Variants in PGM5 observed in about 807,000 individuals in gnomAD.
The protein encoded by PGM5 is phosphoglucomutase-like protein 5.
A neutral mutation model predicts 59.2 loss-of-function variants in PGM5; 23 were observed. That is an observed-to-expected ratio of 0.39 (90% CI 0.28 to 0.55). The LOEUF (loss-of-function observed/expected upper bound fraction) is 0.55. Ranked by LOEUF, PGM5 falls within the 20% of genes least tolerant of loss-of-function variation. The probability of loss-of-function intolerance (pLI) is 0.66; values close to 1 mark genes in which losing one functional copy is unlikely to be tolerated. For synonymous variants in PGM5, 214 were observed against 286.0 expected, an observed-to-expected ratio of 0.75 and a Z score of 2.54; for missense variants, 574 against 748.3, an observed-to-expected ratio of 0.77 and a Z score of 2.72.
At chr9:68,409,868 A>G (rs1186367747) in intron 6 of PGM5, among the ~76,000 whole-genome samples, 1 of 104,698 alleles carries the variant, frequency 9.6e-6, no homozygotes, top group Non-Finnish European at 2.3e-5. Context: ...TAAAACTTAA[A>G]GTATAAAAAA....
chr9:68,413,346 T>C (rs1554681753), intron 6 of PGM5, among the ~76,000 whole-genome samples: 2 of 151,848 alleles, frequency 1.3e-5, no homozygotes, highest in Admixed American at 6.6e-5. Context: ...TGATGGTGAC[T>C]CTCAATGGAG....
At chr9:68,442,993 T>C (rs1370586668) in intron 6 of PGM5, among the ~76,000 whole-genome samples, 1 of 152,208 alleles carries the variant, frequency 6.6e-6, no homozygotes, top group African/African-American at 2.4e-5. Context: ...AGTTTGTCAA[T>C]TGCTTATAAA....
intron 7 of PGM5, among the ~76,000 whole-genome samples, chr9:68,475,325 G>T (rs562406754): frequency 6.6e-6 from 1 of 151,410 alleles, no homozygotes; most frequent in South Asian, 2.1e-4. Flanking sequence ...GTGAGCCACC[G>T]TGCCTGGCTA....
intron 6 of PGM5, among the ~76,000 whole-genome samples, chr9:68,448,648 C>G (rs781871123): frequency 3.3e-5 from 5 of 152,108 alleles, no homozygotes; most frequent in African/African-American, 1.2e-4. Context: ...TTTGATAATC[C>G]TTCTTACGCC....
At chr9:68,502,440 C>T (rs1396523131) in intron 10 of PGM5, among the ~76,000 whole-genome samples, 1 of 152,120 alleles carries the variant, frequency 6.6e-6, no homozygotes. Flanking sequence ...ACCTTCTTCC[C>T]TTGTCCCTTT....
At chr9:68,383,536 A>G (rs1554678545) in intron 2 of PGM5, among the ~76,000 whole-genome samples, 1 of 151,942 alleles carries the variant, frequency 6.6e-6, no homozygotes, top group African/African-American at 2.4e-5. Context: ...TGCAGTTCTA[A>G]GGATTGAGAT....
chr9:68,446,690 TG>T (rs1823616997), intron 6 of PGM5, among the ~76,000 whole-genome samples: 1 of 152,218 alleles, frequency 6.6e-6, no homozygotes, highest in African/African-American at 2.4e-5. Flanking sequence ...AATACTGGGG[TG>T]GAGAAGCTCT....
Position 68,375,925 on chromosome 9 carries a change from C to A in PGM5, c.262-2274C>A, listed in dbSNP as rs151291301. Among the ~76,000 whole-genome samples, 397 of 152,302 alleles carry A rather than the reference C, an allele frequency of 2.6e-3. 9 individuals are homozygous for A. The East Asian group carries it at 0.059, about 22-fold the overall frequency. ...GCAGAGGAAAAAGAAAATGCAAGGGCCCTGAGGCCGGATCATGTTTGGTAT... is the reference window on the plus strand; with the variant it reads ...GCAGAGGAAAAAGAAAATGCAAGGGACCTGAGGCCGGATCATGTTTGGTAT... On this transcript the variant is annotated intron_variant, in intron 1 of 10. Coordinates refer to ENST00000396396, the MANE Select transcript of PGM5 (RefSeq NM_021965.4).
At chr9:68,475,127 C>A (rs139383915) in intron 7 of PGM5, among the ~76,000 whole-genome samples, 208 of 151,446 alleles carry the variant, frequency 1.4e-3, no homozygotes, top group Non-Finnish European at 6.9e-4. Context: ...GATTCTCTTG[C>A]CTCAGCTTCC....
At chr9:68,432,562 T>C (rs1044045419) in intron 6 of PGM5, among the ~76,000 whole-genome samples, 1 of 152,178 alleles carries the variant, frequency 6.6e-6, no homozygotes, top group Non-Finnish European at 1.5e-5. Flanking sequence ...ATTTGCTTTT[T>C]TCAATTTACA....
intron 8 of PGM5, 93 bp from the exon 9 acceptor site, chr9:68,483,772 C>T: frequency 8.5e-7 from 1 of 1,181,550 alleles, no homozygotes. Flanking sequence ...CTGTCCTTCC[C>T]TGGAAACAGA....
At chr9:68,506,189 C>CTACTGGA (rs1554689012) in intron 10 of PGM5, among the ~76,000 whole-genome samples, 8 of 152,238 alleles carry the variant, frequency 5.3e-5, no homozygotes, top group Non-Finnish European at 8.8e-5. Flanking sequence ...TGTAAACAGA[C>CTACTGGA]TGTAACCTAC....
rs141195509 is a variant in PGM5, at chr9:68,433,119, T to G, written c.1044-31974T>G. Among the ~76,000 whole-genome samples, 153 of 152,322 alleles carry G rather than the reference T, an allele frequency of 1.0e-3. 1 individual carries two copies. Among genetic ancestry groups the G allele is most frequent in the Middle Eastern group, 3.4e-3 (1 of 294 alleles). Reference sequence around the variant, plus strand: ...GATTTCTAAACTTGTAGTTTCTAGGTCAAAGAGTGTGCTTTCAAATTTTTA... The same window carrying G: ...GATTTCTAAACTTGTAGTTTCTAGGGCAAAGAGTGTGCTTTCAAATTTTTA... On this transcript the variant is annotated intron_variant, in intron 6 of 10. Coordinates refer to ENST00000396396, the MANE Select transcript of PGM5 (RefSeq NM_021965.4).
chr9:68,357,006 C>G lies in PGM5; in HGVS notation c.-122C>G, dbSNP rs1191908999. On this transcript the variant is annotated 5_prime_UTR_variant, in exon 1 of 11. Transcript: ENST00000396396. ...GTGCAGGGCGCAGGGCGCCGACCTG[C>G]TGGAGAGGGGGCCCGGGCGCGAGGC... 2.3e-5 allele frequency: 25 copies of G among 1,093,306 alleles called. 1 individual carries two copies. The highest frequency in any genetic ancestry group is 2.2e-4 in the African/African-American group (13 of 59,574). 67.7% of individuals were successfully genotyped at this position (1,093,306 alleles called of 1,614,324 possible).
intron 7 of PGM5, chr9:68,466,107 C>A: frequency 7.8e-7 from 1 of 1,279,424 alleles, no homozygotes; most frequent in South Asian, 1.3e-5. Context: ...GACAAATGAG[C>A]TCTTACATTC....
At chr9:68,475,033 G>A (rs1004434884) in intron 7 of PGM5, among the ~76,000 whole-genome samples, 32 of 150,542 alleles carry the variant, frequency 2.1e-4, no homozygotes, top group African/African-American at 7.6e-4. Context: ...TTTTTTTTGA[G>A]ACGGAGTTTC....
rs190172768 is a variant in PGM5, at chr9:68,486,502, G to A, written c.1479+2454G>A. ...TCTGTCTCTATGGATTCGCCTATTT[G>A]GGACATTTTGTATAAATGGAATCAT... On this transcript the variant is annotated intron_variant, in intron 9 of 10. Coordinates refer to ENST00000396396, the MANE Select transcript of PGM5 (RefSeq NM_021965.4). 5.5e-4 allele frequency among the ~76,000 whole-genome samples: 84 copies of A among 152,156 alleles called. No homozygotes were observed. The East Asian group carries it at 9.1e-3, about 16-fold the overall frequency.
At chr9:68,410,932 A>G (rs1462270132) in intron 6 of PGM5, among the ~76,000 whole-genome samples, 3 of 152,266 alleles carry the variant, frequency 2.0e-5, no homozygotes, top group Non-Finnish European at 2.9e-5. Flanking sequence ...ACCAGGTTCT[A>G]TCATTCTCAG....
chr9:68,505,512 T>C (rs548585801), intron 10 of PGM5, among the ~76,000 whole-genome samples: 1 of 152,342 alleles, frequency 6.6e-6, no homozygotes, highest in African/African-American at 2.4e-5. Context: ...TTTAGGGTTT[T>C]CTACAATCCC....
Sources: allele counts gnomAD v4.1 joint callset (sites outside exome capture counted in the v4.1 genomes callset), GRCh38; gene constraint gnomAD v4.1.1; transcripts MANE v1.5; gene names NCBI Gene and HGNC (gene_info 2026-07-23, HGNC 2026-07-21).